Variants in LETM1 observed in about 807,000 individuals in gnomAD.
LETM1 encodes mitochondrial proton/calcium exchanger protein.
A neutral mutation model predicts 74.5 loss-of-function variants in LETM1; 50 were observed. That is an observed-to-expected ratio of 0.67 (90% CI 0.53 to 0.85). The LOEUF (loss-of-function observed/expected upper bound fraction) is 0.85, where lower values mean the gene tolerates loss of function less well. Among genes scored for constraint, LETM1 ranks in the 40% least tolerant of loss-of-function variants. The pLI is 0.00. For missense variants in LETM1, 824 were observed against 967.8 expected, an observed-to-expected ratio of 0.85 and a Z score of 1.97; for synonymous variants, 446 against 407.1, an observed-to-expected ratio of 1.10 and a Z score of -1.15.
At chr4:1,841,854 T>A in intron 2 of LETM1, 57 bp from the exon 3 acceptor site, 1 of 1,319,860 alleles carries the variant, frequency 7.6e-7, no homozygotes, top group Non-Finnish European at 1.1e-6. Context: ...CTTTGACAGC[T>A]CAGCACCGAA....
intron 7 of LETM1, 142 bp from the exon 8 acceptor site, chr4:1,823,917 C>T (rs1050834316): frequency 2.4e-5 from 24 of 984,084 alleles, no homozygotes; most frequent in Middle Eastern, 4.4e-4. Flanking sequence ...TGCTGTGCTG[C>T]GTGACCCGAT....
At chr4:1,833,256 G>GA in intron 5 of LETM1, 1 of 363,254 alleles carries the variant, frequency 2.8e-6, no homozygotes, top group Admixed American at 4.0e-5. Context: ...TTTTAGTAGA[G>GA]ATGGGATTTC....
At chr4:1,851,602 T>C (rs961952594) in intron 1 of LETM1, among the ~76,000 whole-genome samples, 1 of 152,206 alleles carries the variant, frequency 6.6e-6, no homozygotes. Context: ...ACATTTTAAG[T>C]TAAAATTCAA....
chr4:1,855,897 C>A lies in LETM1; in HGVS notation c.54G>T (p.Pro18=). 8.1e-7 allele frequency: 1 copy of A among 1,239,296 alleles called. No homozygotes were observed. The highest frequency in any genetic ancestry group is 1.0e-6 in the Non-Finnish European group (1 of 994,336). 76.8% of individuals were successfully genotyped at this position (1,239,296 alleles called of 1,614,324 possible). The change falls in exon 1 of 14, where the codon CCG becomes CCT. Residue 18 remains proline, a synonymous_variant. Transcript: ENST00000302787. ...SCRGRAPARL[P]PPPRYTVPRG... is the part of the protein sequence containing the mutation. ...GCGGGACGGTGTACCGAGGCGGCGG[C>A]GGGAGGCGGGCGGGCGCCCGGCCGC...
chr4:1,841,531 C>T lies in LETM1; in HGVS notation c.410G>A (p.Gly137Asp). The T allele has an allele frequency of 6.2e-7, 1 of 1,614,234 alleles. No individual in the cohort carries two copies. The highest frequency in any genetic ancestry group is 1.1e-5 in the South Asian group (1 of 91,086). ...TGCGGGGGGGCTGTACACCGGGCCG[C>T]CTTCCTCCAGCTTCTTGTTCTTGTC... Reference protein sequence around the residue: ...LKDKNKKLEEGGPVYSPPAEV... With the variant: ...LKDKNKKLEEDGPVYSPPAEV... The change falls in exon 3 of 14, where the codon GGC becomes GAC. Residue 137 changes from glycine to aspartate, a missense_variant. By Grantham distance (94) the Gly-to-Asp change is moderately conservative (BLOSUM62 -1). Coordinates refer to ENST00000302787, the MANE Select transcript of LETM1 (RefSeq NM_012318.3).
rs769768748 is a variant in LETM1 at position 1,825,631 on chromosome 4, G to T, written c.1133C>A (p.Ala378Glu). The T allele has an allele frequency of 6.2e-7, 1 of 1,613,988 alleles. No individual in the cohort carries two copies. Among genetic ancestry groups the T allele is most frequent in the South Asian group, 1.1e-5 (1 of 91,076 alleles). Residue 378 changes from alanine to glutamate, a missense_variant, in exon 7 of 14, where the codon GCG (alanine) becomes GAG (glutamate). Physicochemically the swap from Ala to Glu is moderately radical, Grantham distance 107 (BLOSUM62 -1). Coordinates refer to ENST00000302787, the MANE Select transcript of LETM1 (RefSeq NM_012318.3). The stretch of plus-strand genomic sequence containing the variant: ...GGCCCGCATGCCTCGTGCCCGACAC[G>T]CTGCCTGCAGCTCCTTGACATTCAG... ...DSLNVKELQA[A>E]CRARGMRALG...
In LETM1 at chr4:1,823,653, T is replaced by C; in HGVS notation, c.1323A>G (p.Pro441=). The C allele has an allele frequency of 6.2e-7, 1 of 1,613,792 alleles. No homozygotes were observed. The highest frequency in any genetic ancestry group is 1.1e-5 in the South Asian group (1 of 91,070). The stretch of plus-strand genomic sequence containing the variant: ...CTCCGACAGCACGTACCACAATCTC[T>C]GGGAGGGTCTGCAGTGTGGACTTGA... ...DQLKSTLQTL[P]EIVAKEAQVK... The change falls in exon 8 of 14, where the codon CCA becomes CCG. Residue 441 remains proline (P), a synonymous_variant. Coordinates refer to ENST00000302787, the MANE Select transcript of LETM1 (RefSeq NM_012318.3).
chr4:1,834,879 C>T lies in LETM1; in HGVS notation c.842G>A (p.Ser281Asn). ...MALKNKAAKG[S>N]ATKDFSVFFQ... ...AAACACAGAGAAGTCTTTGGTGGCG[C>T]TGCCCTTGGCTGCCTTGTTCTTCAA... The change falls in exon 5 of 14, where the codon AGC becomes AAC. Residue 281 changes from serine to asparagine, a missense_variant. Ser to Asn is a conservative substitution (Grantham distance 46). Transcript: ENST00000302787. The surrounding 1 kb of genome is among the most constrained non-coding windows in gnomAD (Gnocchi z 5.0). 1.2e-6 allele frequency: 2 copies of T among 1,614,202 alleles called. No individual in the cohort carries two copies. Among genetic ancestry groups the T allele is most frequent in the Non-Finnish European group, 1.7e-6 (2 of 1,180,018 alleles).
In LETM1 at chr4:1,815,582, G is replaced by T. The variant is rs1357706616; in HGVS notation, c.2070+82C>A. 16 of 1,510,866 alleles carry T rather than the reference G, an allele frequency of 1.1e-5. No individual in the cohort carries two copies. The East Asian group carries it at 3.4e-4, about 33-fold the overall frequency. The allele number at this position is 1,510,866 out of a possible 1,614,324, so 93.6% of individuals were successfully genotyped here. A position where few individuals can be genotyped will look rare whatever the true frequency, so the allele number is the denominator to read the frequency against. Reference sequence around the variant, plus strand: ...GGGGTAGCTGCCCAGGAGGGTGCCGGACATGCAATGAACAGTCCCCCTGCC... The same window carrying T: ...GGGGTAGCTGCCCAGGAGGGTGCCGTACATGCAATGAACAGTCCCCCTGCC... On this transcript the variant is annotated intron_variant, in intron 13 of 13. Transcript: ENST00000302787.
At chr4:1,829,197 G>A (rs868083048) in intron 6 of LETM1, among the ~76,000 whole-genome samples, 6 of 125,462 alleles carry the variant, frequency 4.8e-5, no homozygotes, top group South Asian at 3.0e-4. Flanking sequence ...CCTCCCGGAC[G>A]GGGCGGCTGG....
chr4:1,818,954 CAT>C (rs1439738243), intron 11 of LETM1, among the ~76,000 whole-genome samples: 2 of 151,904 alleles, frequency 1.3e-5, no homozygotes, highest in Non-Finnish European at 2.9e-5. Flanking sequence ...CATGGTGGCA[CAT>C]GTTTACAGTC....
intron 13 of LETM1, among the ~76,000 whole-genome samples, chr4:1,815,074 C>T (rs1711518092): frequency 1.3e-5 from 2 of 152,360 alleles, no homozygotes; most frequent in East Asian, 1.9e-4. Flanking sequence ...GGCAGCTTCC[C>T]CTCAGAGATG....
At chr4:1,853,034 T>C (rs1312727771) in intron 1 of LETM1, among the ~76,000 whole-genome samples, 1 of 152,154 alleles carries the variant, frequency 6.6e-6, no homozygotes, top group East Asian at 1.9e-4. Context: ...ATCTCTTCCC[T>C]GACTTGAATA....
chr4:1,844,386 T>C (rs1436029932), intron 2 of LETM1, among the ~76,000 whole-genome samples: 2 of 152,202 alleles, frequency 1.3e-5, no homozygotes, highest in African/African-American at 4.8e-5. Context: ...TTTGTTTCTA[T>C]GAGAAAGAAG....
chr4:1,816,133 G>C (rs1485047399), intron 12 of LETM1, among the ~76,000 whole-genome samples: 6 of 152,384 alleles, frequency 3.9e-5, no homozygotes, highest in African/African-American at 1.4e-4. Flanking sequence ...CACGATCATG[G>C]GGGCTGTGGT....
rs1268010205 is a variant in LETM1 at position 1,828,027 on chromosome 4, G to A, written c.1081-2344C>T. On this transcript the variant is annotated intron_variant, in intron 6 of 13. Coordinates refer to ENST00000302787, the MANE Select transcript of LETM1 (RefSeq NM_012318.3). ...AGGCGCCCCCCAACCCGGACGGGGC[G>A]GCTGGCCGGGCAGGGGGGCTGACCC... Among the ~76,000 whole-genome samples the A allele has an allele frequency of 6.3e-5, 9 of 143,744 alleles. No individual in the cohort carries two copies. In the East Asian group the frequency reaches 8.4e-4, roughly 13 times the overall value. The allele number at this position is 143,744 out of a possible 152,430, so 94.3% of individuals were successfully genotyped here.
chr4:1,848,678 T>A lies in LETM1; in HGVS notation c.143+471A>T, dbSNP rs542292364. 3.1e-5 allele frequency among the ~76,000 whole-genome samples: 4 copies of A among 130,082 alleles called. No individual in the cohort carries two copies. The South Asian group carries it at 9.4e-4, about 31-fold the overall frequency. 85.3% of individuals were successfully genotyped at this position (130,082 alleles called of 152,430 possible). On this transcript the variant is annotated intron_variant, in intron 2 of 13. Transcript: ENST00000302787. ...TTGCAGTGAGCCAAGCATGTGCCAC[T>A]GCACTCCAGTCTGGGTGACAGAGCA... is the stretch of plus-strand genomic sequence containing the variant.
intron 2 of LETM1, among the ~76,000 whole-genome samples, chr4:1,843,883 C>T (rs902466115): frequency 2.6e-5 from 4 of 152,210 alleles, no homozygotes; most frequent in African/African-American, 7.2e-5. Context: ...GCAGAGCCCA[C>T]GCAGGCTCAG....
Position 1,822,256 on chromosome 4 carries a change from T to C in LETM1, c.1533A>G (p.Pro511=). 1.9e-6 allele frequency: 3 copies of C among 1,548,124 alleles called. No individual in the cohort carries two copies. Among genetic ancestry groups the C allele is most frequent in the East Asian group, 2.5e-5 (1 of 40,788 alleles). ...VAAPQRPGTE[P]QPEMPDTVLQ... ...GGACTGTGTCAGGCATTTCTGGCTG[T>C]GGCTCGGTCCCCGGCCTTTGGGGAG... is the stretch of plus-strand genomic sequence containing the variant. The change falls in exon 10 of 14, where the codon CCA becomes CCG. Residue 511 remains proline (P), a synonymous_variant. Coordinates refer to ENST00000302787, the MANE Select transcript of LETM1 (RefSeq NM_012318.3).
Sources: allele counts gnomAD v4.1 joint callset (sites outside exome capture counted in the v4.1 genomes callset), GRCh38; gene constraint gnomAD v4.1.1; non-coding constraint Gnocchi (gnomAD v3.1); transcripts MANE v1.5; gene names NCBI Gene and HGNC (gene_info 2026-07-23, HGNC 2026-07-21).